The following VCAN variants were observed in gnomAD, a reference collection of about 807,000 sequenced individuals.
VCAN encodes the protein versican core protein.
A neutral mutation model predicts 245.5 loss-of-function variants in VCAN; 44 were observed. The observed-to-expected ratio is 0.18, with a 90% confidence interval of 0.14 to 0.23. The LOEUF (loss-of-function observed/expected upper bound fraction) is 0.23. VCAN is among the 10% of genes least tolerant of loss of function. The pLI, the probability that VCAN is intolerant of heterozygous loss-of-function variation, is 1.00. For synonymous variants in VCAN, 1,413 were observed against 1,437.0 expected (o/e 0.98, Z 0.38); for missense variants, 3,793 against 4,057.9 (o/e 0.93, Z 1.77).
chr5:83,486,429 A>C (rs1174682502), intron 2 of VCAN, among the ~76,000 whole-genome samples: 1 of 152,238 alleles, frequency 6.6e-6, no homozygotes, highest in Non-Finnish European at 1.5e-5. Flanking sequence ...TCATGAAGAC[A>C]TGCTAATCAG....
At chr5:83,561,210 C>T (rs1011138024) in intron 12 of VCAN, among the ~76,000 whole-genome samples, 6 of 152,078 alleles carry the variant, frequency 3.9e-5, no homozygotes, top group Non-Finnish European at 7.4e-5. Context: ...TTCTCACTTT[C>T]CATTCTACAG....
At chr5:83,534,352 T>A (rs1746627380) in intron 7 of VCAN, among the ~76,000 whole-genome samples, 1 of 152,018 alleles carries the variant, frequency 6.6e-6, no homozygotes. Context: ...TATTTATCCT[T>A]GTGTTTTGCT....
intron 12 of VCAN, among the ~76,000 whole-genome samples, chr5:83,559,332 T>C (rs1023933370): frequency 3.9e-5 from 6 of 152,184 alleles, no homozygotes; most frequent in Non-Finnish European, 8.8e-5. Context: ...TCCCTGGCTA[T>C]GAACTCTTGT....
At position 83,539,748 on chromosome 5, in the gene VCAN, A is replaced by G; in HGVS notation, c.6745A>G (p.Thr2249Ala). The G allele has an allele frequency of 6.2e-7, 1 of 1,613,938 alleles. No individual in the cohort carries two copies. Residue 2249 changes from threonine to alanine, a missense_variant, in exon 8 of 15, where the codon ACT becomes GCT. Thr to Ala is a moderately conservative substitution (Grantham distance 58, BLOSUM62 0). Transcript: ENST00000265077. ...GAGACCAACAATTCAAGAGTCAGAT[A>G]CTGAGCTCTTATTCTCTGGACTGGG... ...GMRPTIQESD[T>A]ELLFSGLGSG...
In VCAN at chr5:83,541,158, A is replaced by T. The variant is rs1371691679; in HGVS notation, c.8155A>T (p.Met2719Leu). 1.9e-6 allele frequency: 3 copies of T among 1,614,070 alleles called. No individual in the cohort carries two copies. The highest frequency in any genetic ancestry group is 2.5e-6 in the Non-Finnish European group (3 of 1,179,998). ...IKAEAKALDD[M>L]FESSTLSDGQ... ...AGCTGAAGCAAAAGCCCTGGATGAC[A>T]TGTTTGAATCAAGCACTTTGTCTGA... The change falls in exon 8 of 15, where the codon ATG becomes TTG. Residue 2719 changes from methionine (M) to leucine (L), a missense_variant. This residue lies in a region of VCAN where 3,182 missense variants were observed against 3,250.3 expected (regional missense o/e 0.98). Coordinates refer to ENST00000265077, the MANE Select transcript of VCAN (RefSeq NM_004385.5).
At chr5:83,503,087 T>C (rs543348626) in intron 5 of VCAN, among the ~76,000 whole-genome samples, 14 of 152,288 alleles carry the variant, frequency 9.2e-5, no homozygotes, top group African/African-American at 3.4e-4. Flanking sequence ...TAAAAGATTA[T>C]ATAGCAGTAT....
Position 83,540,997 on chromosome 5 carries a change from A to C in VCAN, c.7994A>C (p.His2665Pro). ...TATGAAGATAGAAGCCAACTAGATCACATGGGCTTTCACTTCACAACTGGG... is the reference window on the plus strand; with the variant it reads ...TATGAAGATAGAAGCCAACTAGATCCCATGGGCTTTCACTTCACAACTGGG... The part of the protein sequence containing the change: ...MTYEDRSQLD[H>P]MGFHFTTGIP... Residue 2665 changes from histidine to proline, a missense_variant, in exon 8 of 15, where the codon CAC (histidine) becomes CCC (proline). His to Pro is a moderately conservative substitution (Grantham distance 77, BLOSUM62 -2). Coordinates refer to ENST00000265077, the MANE Select transcript of VCAN (RefSeq NM_004385.5). The C allele has an allele frequency of 6.2e-7, 1 of 1,614,140 alleles. No individual in the cohort carries two copies. The highest frequency in any genetic ancestry group is 8.5e-7 in the Non-Finnish European group (1 of 1,180,002).
chr5:83,572,272 T>C lies in VCAN; in HGVS notation c.9736-144T>C, dbSNP rs542390412. 3 of 1,003,754 alleles carry C rather than the reference T, an allele frequency of 3.0e-6. No individual in the cohort carries two copies. The South Asian group carries it at 4.2e-5, about 14-fold the overall frequency. 62.2% of individuals were successfully genotyped at this position (1,003,754 alleles called of 1,614,324 possible). A position where few individuals can be genotyped will look rare whatever the true frequency, so the allele number is the denominator to read the frequency against. On this transcript the variant is annotated intron_variant, in intron 12 of 14. Transcript: ENST00000265077. ...TTCTACTCACAGTTTAACAGTCTTTTTCTGTACCACCAAAATAATTTCAGC... is the reference window on the plus strand; with the variant it reads ...TTCTACTCACAGTTTAACAGTCTTTCTCTGTACCACCAAAATAATTTCAGC...
At chr5:83,534,809 A>G (rs182893348) in intron 7 of VCAN, among the ~76,000 whole-genome samples, 97 of 152,206 alleles carry the variant, frequency 6.4e-4, no homozygotes, top group African/African-American at 2.3e-3. Flanking sequence ...TACAGAAGGC[A>G]TTTTAAATGC....
Position 83,547,902 on chromosome 5 carries a change from C to G in VCAN, c.9380-69C>G. On this transcript the variant is annotated intron_variant, in intron 9 of 14. Coordinates refer to ENST00000265077, the MANE Select transcript of VCAN (RefSeq NM_004385.5). ...GGCTGTCTTGTATGTTATCTTGCAA[C>G]CTCACACTAAATGGAATTCTTTGAT... is the stretch of plus-strand genomic sequence containing the variant. The G allele has an allele frequency of 2.7e-6, 3 of 1,120,454 alleles. No individual in the cohort carries two copies. In the South Asian group the frequency reaches 3.7e-5, roughly 14 times the overall value. The allele number at this position is 1,120,454 out of a possible 1,614,324, so 69.4% of individuals were successfully genotyped here. A position where few individuals can be genotyped will look rare whatever the true frequency, so the allele number is the denominator to read the frequency against.
intron 5 of VCAN, among the ~76,000 whole-genome samples, chr5:83,497,485 G>GTAAT (rs1745195616): frequency 6.6e-6 from 1 of 152,088 alleles, no homozygotes; most frequent in Non-Finnish European, 1.5e-5. Flanking sequence ...GTTTTAAAGA[G>GTAAT]TAATTACATT....
At position 83,520,167 on chromosome 5, in the gene VCAN, G is replaced by A; in HGVS notation, c.1861G>A (p.Asp621Asn). ...TGATAATAATGGATCATCCATGGAT[G>A]ACTGGGAAGAGAGACAAACTAGTGG... ...MPDNNGSSMD[D>N]WEERQTSGRI... The change falls in exon 7 of 15, where the codon GAC becomes AAC. Residue 621 changes from aspartate (D) to asparagine (N), a missense_variant. By Grantham distance (23) the Asp-to-Asn change is conservative. Around this residue, in one of 5 missense-constraint regions of VCAN, gnomAD observed 3,182 missense variants for 3,250.3 expected, o/e 0.98. Transcript: ENST00000265077. 6.2e-7 allele frequency: 1 copy of A among 1,614,044 alleles called. No homozygotes were observed.
rs1462537804 is a variant in VCAN, at chr5:83,519,150, AATTT to A, written c.1043-196_1043-193del. Among the ~76,000 whole-genome samples, 19 of 152,310 alleles carry A rather than the reference AATTT, an allele frequency of 1.2e-4. No homozygotes were observed. In the East Asian group the frequency reaches 2.5e-3, roughly 20 times the overall value. ...CCCTTATAACGTAAAACAACTGATC[AATTT>A]ATGACTATTAAGTGTTCAATTATCT... On this transcript the variant is annotated intron_variant, in intron 6 of 14. Transcript: ENST00000265077.
chr5:83,580,686 A>G lies in VCAN; in HGVS notation c.*252A>G, dbSNP rs895728056. ...GCCTATCTAATTTCTTTAGTTTTCT[A>G]TTTGCCTCCAGTGCAGTCCATTTCC... On this transcript the variant is annotated 3_prime_UTR_variant, in exon 15 of 15. Coordinates refer to ENST00000265077, the MANE Select transcript of VCAN (RefSeq NM_004385.5). The G allele has an allele frequency of 6.1e-6, 3 of 494,880 alleles. No homozygotes were observed. The highest frequency in any genetic ancestry group is 3.9e-5 in the African/African-American group (2 of 51,084). The allele number at this position is 494,880 out of a possible 1,614,324, so 30.7% of individuals were successfully genotyped here.
intron 1 of VCAN, among the ~76,000 whole-genome samples, chr5:83,480,364 C>T (rs1326470819): frequency 6.6e-6 from 1 of 152,102 alleles, no homozygotes; most frequent in Non-Finnish European, 1.5e-5. Context: ...AACTCAAATA[C>T]AGAAGATCCT....
chr5:83,564,269 G>A (rs1001790108), intron 12 of VCAN, among the ~76,000 whole-genome samples: 1 of 151,962 alleles, frequency 6.6e-6, no homozygotes, highest in African/African-American at 2.4e-5. Context: ...TTTGTTAAGT[G>A]GTGTAGCCGT....
Position 83,512,116 on chromosome 5 carries a change from C to G in VCAN, c.762C>G (p.His254Gln). The G allele has an allele frequency of 6.2e-7, 1 of 1,614,138 alleles. No homozygotes were observed. The highest frequency in any genetic ancestry group is 8.5e-7 in the Non-Finnish European group (1 of 1,180,038). Reference sequence around the variant, plus strand: ...TTTTTTTTCCAGGTGATGTGTTCCACCTCACTGTCCCCAGTAAATTCACCT... The same window carrying G: ...TTTTTTTTCCAGGTGATGTGTTCCAGCTCACTGTCCCCAGTAAATTCACCT... ...YVDHLDGDVF[H>Q]LTVPSKFTFE... is the part of the protein sequence containing the mutation. Residue 254 changes from histidine (H) to glutamine (Q), a missense_variant, in exon 6 of 15, where the codon CAC (histidine) becomes CAG (glutamine). His to Gln is a conservative substitution (Grantham distance 24). Around this residue, in one of 5 missense-constraint regions of VCAN, gnomAD observed 190 missense variants for 288.6 expected, o/e 0.66. Coordinates refer to ENST00000265077, the MANE Select transcript of VCAN (RefSeq NM_004385.5).
At chr5:83,554,747 T>C (rs1750957167) in intron 11 of VCAN, among the ~76,000 whole-genome samples, 2 of 152,200 alleles carry the variant, frequency 1.3e-5, no homozygotes, top group South Asian at 4.1e-4. Flanking sequence ...TTTTAATGCT[T>C]CACAGGGTTT....
intron 7 of VCAN, among the ~76,000 whole-genome samples, chr5:83,531,015 TAA>T (rs1241165942): frequency 6.6e-6 from 1 of 152,096 alleles, no homozygotes; most frequent in Non-Finnish European, 1.5e-5. Context: ...TAATTATTTT[TAA>T]AAAGAGTGAT....
Sources: gnomAD v4.1 joint callset for allele counts (sites outside exome capture counted in the v4.1 genomes callset) on GRCh38, gnomAD v4.1.1 for gene constraint, gnomAD v4.1.1 regional missense constraint, MANE v1.5 for transcripts, NCBI Gene and HGNC (gene_info 2026-07-23, HGNC 2026-07-21) for gene names.